LRCH2: variants seen among roughly 807,000 people sequenced by gnomAD.
LRCH2 encodes the protein leucine-rich repeat and calponin homology domain-containing protein 2.
Under a neutral mutation model 68.9 loss-of-function variants are expected in LRCH2, and 38 were observed. The ratio of observed to expected loss-of-function variants is 0.55; its 90% CI spans 0.43 to 0.72. The LOEUF (loss-of-function observed/expected upper bound fraction) is 0.72. LRCH2 is among the 30% of genes least tolerant of loss of function. LRCH2 has a pLI of 0.00. For synonymous variants in LRCH2, 191 were observed against 208.1 expected (o/e 0.92, Z 0.71); for missense variants, 528 against 572.9 (o/e 0.92, Z 0.80).
chrX:115,184,690 T>C (rs2072718952), intron 2 of LRCH2, among the ~76,000 whole-genome samples, 153 bp from the exon 3 acceptor site: 1 of 112,413 alleles, frequency 8.9e-6, no homozygotes, highest in African/African-American at 3.2e-5. Context: ...AGGCACAGTG[T>C]TAAATTTCTT....
rs782096416 is a variant in LRCH2 at position 115,186,400 on chromosome X, A to G, written c.494+1826T>C. ...TGAGTTAACACAATCATCTTTCACC[A>G]GAATCTGGTTTCTTAATACCGGCAA... On this transcript the variant is annotated intron_variant, in intron 2 of 20. Coordinates refer to ENST00000317135, the MANE Select transcript of LRCH2 (RefSeq NM_020871.4). Among the ~76,000 whole-genome samples, 5 of 111,377 alleles carry G rather than the reference A, an allele frequency of 4.5e-5. No individual in the cohort carries two copies. The South Asian group carries it at 1.9e-3, about 42-fold the overall frequency.
chrX:115,189,461 C>G, intron 1 of LRCH2: 1 of 1,175,630 alleles, frequency 8.5e-7, no homozygotes, highest in Non-Finnish European at 1.1e-6. Context: ...GCGGATCGCC[C>G]AGAGAAGCTT....
chrX:115,142,023 T>C (rs1344266508), intron 14 of LRCH2, among the ~76,000 whole-genome samples: 2 of 111,826 alleles, frequency 1.8e-5, no homozygotes, highest in African/African-American at 3.2e-5. Flanking sequence ...GCTATACTTA[T>C]ATCAGACAAA....
At chrX:115,230,024 C>G (rs1224365185) in intron 1 of LRCH2, among the ~76,000 whole-genome samples, 3 of 112,260 alleles carry the variant, frequency 2.7e-5, no homozygotes, top group Non-Finnish European at 3.8e-5. Flanking sequence ...TACGCTGAAA[C>G]ATATCCACTT....
At chrX:115,134,383 A>G (rs782608889) in intron 14 of LRCH2, among the ~76,000 whole-genome samples, 7 of 112,746 alleles carry the variant, frequency 6.2e-5, no homozygotes, top group Admixed American at 4.7e-4. Context: ...CAAATTTTCT[A>G]TGTAGACAAA....
intron 5 of LRCH2, among the ~76,000 whole-genome samples, chrX:115,175,899 C>G (rs899521135): frequency 8.9e-6 from 1 of 111,734 alleles, no homozygotes; most frequent in Non-Finnish European, 1.9e-5. Context: ...TTAACTGAAC[C>G]TGAGGAGGGG....
At chrX:115,201,169 G>A (rs2072927491) in intron 1 of LRCH2, among the ~76,000 whole-genome samples, 1 of 110,784 alleles carries the variant, frequency 9.0e-6, no homozygotes. Flanking sequence ...GATGTCATGA[G>A]ACTCATTCAC....
At chrX:115,117,825 G>A (rs891660825) in intron 20 of LRCH2, among the ~76,000 whole-genome samples, 14 of 110,755 alleles carry the variant, frequency 1.3e-4, no homozygotes, top group Non-Finnish European at 2.3e-4. Context: ...ATTTTGGGGG[G>A]CAGTAGATAT....
intron 1 of LRCH2, among the ~76,000 whole-genome samples, chrX:115,208,313 C>T (rs886492080): frequency 3.6e-5 from 4 of 111,526 alleles, no homozygotes; most frequent in Non-Finnish European, 5.6e-5. Flanking sequence ...GGGATAAGCA[C>T]CTTTATAACC....
chrX:115,211,591 T>G (rs1556570057), intron 1 of LRCH2, among the ~76,000 whole-genome samples: 1 of 112,090 alleles, frequency 8.9e-6, no homozygotes, highest in African/African-American at 3.2e-5. Flanking sequence ...TAGTAATAAC[T>G]GACAGCACTG....
intron 14 of LRCH2, among the ~76,000 whole-genome samples, chrX:115,141,082 A>G (rs1556534048): frequency 9.2e-6 from 1 of 108,736 alleles, no homozygotes; most frequent in Admixed American, 9.9e-5. Flanking sequence ...AATACAAAAA[A>G]AAAAAATTAG....
intron 1 of LRCH2, chrX:115,190,827 C>T (rs950753970): frequency 8.7e-6 from 10 of 1,150,629 alleles, no homozygotes; most frequent in African/African-American, 3.7e-5. Context: ...CCAGCTGGAG[C>T]GACTGCTGCG....
At chrX:115,132,367 G>A (rs2072253473) in intron 14 of LRCH2, among the ~76,000 whole-genome samples, 1 of 111,292 alleles carries the variant, frequency 9.0e-6, no homozygotes, top group Non-Finnish European at 1.9e-5. Context: ...GTTTTTGTCA[G>A]GTTTGTCAAA....
At chrX:115,181,013 G>C (rs187681313) in intron 3 of LRCH2, among the ~76,000 whole-genome samples, 1 of 111,553 alleles carries the variant, frequency 9.0e-6, no homozygotes, top group African/African-American at 3.3e-5. Flanking sequence ...AGTGGGGAGG[G>C]ATACTACTTT....
chrX:115,183,222 A>G (rs1603066585), intron 3 of LRCH2, among the ~76,000 whole-genome samples: 1 of 111,397 alleles, frequency 9.0e-6, no homozygotes, highest in African/African-American at 3.3e-5. Context: ...GTGAAATTCA[A>G]GGAAGTTTCC....
intron 1 of LRCH2, among the ~76,000 whole-genome samples, chrX:115,195,790 G>A (rs2147338207): frequency 9.0e-6 from 1 of 111,534 alleles, no homozygotes; most frequent in African/African-American, 3.3e-5. Context: ...GAATCATACA[G>A]TCCAGGCCAC....
chrX:115,191,678 G>T (rs201047008), intron 1 of LRCH2: 1 of 1,161,698 alleles, frequency 8.6e-7, no homozygotes, highest in African/African-American at 1.8e-5. Flanking sequence ...GGAGGAGGTC[G>T]CTCACTCGAT....
chrX:115,115,831 A>C (rs1325455840), intron 20 of LRCH2, among the ~76,000 whole-genome samples: 1 of 110,443 alleles, frequency 9.1e-6, no homozygotes, highest in African/African-American at 3.3e-5. Context: ...TCCAGAATAC[A>C]TAAGGAACTA....
At chrX:115,212,650 C>A (rs782814302) in intron 1 of LRCH2, among the ~76,000 whole-genome samples, 54 of 109,592 alleles carry the variant, frequency 4.9e-4, no homozygotes, top group African/African-American at 1.6e-3. Flanking sequence ...CAAGCATGCA[C>A]CACCAAGCTT....
Sources: allele counts gnomAD v4.1 joint callset (sites outside exome capture counted in the v4.1 genomes callset), GRCh38; gene constraint gnomAD v4.1.1; transcripts MANE v1.5; gene names NCBI Gene and HGNC (gene_info 2026-07-23, HGNC 2026-07-21).